The following TTN variants were observed in gnomAD, a reference collection of about 807,000 sequenced individuals.
The protein encoded by TTN is titin.
TTN carries 1,525 observed loss-of-function variants against 3,223.0 expected under a neutral mutation model. The ratio of observed to expected loss-of-function variants is 0.47; its 90% CI spans 0.45 to 0.49. The LOEUF (loss-of-function observed/expected upper bound fraction) is 0.49, where lower values mean the gene tolerates loss of function less well. Ranked by LOEUF, TTN falls within the 20% of genes least tolerant of loss-of-function variation. TTN has a pLI of 0.00. For synonymous variants in TTN, 14,094 were observed against 15,161.0 expected (o/e 0.93, Z 5.17); for missense variants, 40,786 against 43,424.0 (o/e 0.94, Z 5.40).
At chr2:178,688,365 G>T in intron 126 of TTN, 141 bp from the exon 127 acceptor site, 1 of 773,594 alleles carries the variant, frequency 1.3e-6, no homozygotes, top group East Asian at 2.6e-5. Flanking sequence ...ATAAGAAGGA[G>T]GAAGCTAATT....
chr2:178,563,627 T>G lies in TTN; in HGVS notation c.82505A>C (p.Glu27502Ala). The change falls in exon 326 of 363, where the codon GAG becomes GCG. Residue 27502 changes from glutamate to alanine, a missense_variant. Coordinates refer to ENST00000589042, the MANE Select transcript of TTN (RefSeq NM_001267550.2). This position sits in a 1 kb window ranked among gnomAD's most constrained non-coding sequence, Gnocchi z 4.5. Reference protein sequence around the residue: ...RPVDDGGTEIEGYILEKRDKE... With the variant: ...RPVDDGGTEIAGYILEKRDKE... Reference sequence around the variant, plus strand: ...ATCTCGTTTTTCAAGAATGTAGCCCTCAATTTCGGTACCTCCGTCGTCTAC... The same window carrying G: ...ATCTCGTTTTTCAAGAATGTAGCCCGCAATTTCGGTACCTCCGTCGTCTAC... 1 of 1,613,752 alleles carries G rather than the reference T, an allele frequency of 6.2e-7. No individual in the cohort carries two copies.
At chr2:178,651,165 A>T in intron 208 of TTN, 78 bp downstream of exon 208, 1 of 1,238,900 alleles carries the variant, frequency 8.1e-7, no homozygotes, top group Non-Finnish European at 1.1e-6. Context: ...GAGGACTCGC[A>T]AACAAAAGGT....
At position 178,539,548 on chromosome 2, in the gene TTN, A is replaced by T; in HGVS notation, c.98517T>A (p.Pro32839=). The change falls in exon 352 of 363, where the codon CCT becomes CCA. Residue 32839 remains proline (P), a synonymous_variant. Coordinates refer to ENST00000589042, the MANE Select transcript of TTN (RefSeq NM_001267550.2). The part of the protein sequence containing the change: ...LGYILERREV[P]KAAWYTIDSR... ...AATCAATGGTATACCAGGCGGCTTT[A>T]GGCACTTCTCGTCTCTCGAGGATGT... 1 of 1,613,788 alleles carries T rather than the reference A, an allele frequency of 6.2e-7. No homozygotes were observed. Among genetic ancestry groups the T allele is most frequent in the South Asian group, 1.1e-5 (1 of 91,082 alleles).
Position 178,764,259 on chromosome 2 carries a change from T to C in TTN, c.10032A>G (p.Pro3344=), listed in dbSNP as rs757321139. 6.2e-7 allele frequency: 1 copy of C among 1,613,868 alleles called. No homozygotes were observed. The highest frequency in any genetic ancestry group is 8.5e-7 in the Non-Finnish European group (1 of 1,179,972). ...VSPDQEMPVY[P]PAIITPLQDT... ...CCTGAAGCGGGGTGATGATGGCAGGTGGATAAACAGGCATTTCCTGATCAG... is the reference window on the plus strand; with the variant it reads ...CCTGAAGCGGGGTGATGATGGCAGGCGGATAAACAGGCATTTCCTGATCAG... The change falls in exon 43 of 363, where the codon CCA becomes CCG. Residue 3344 remains proline (P), a synonymous_variant. Coordinates refer to ENST00000589042, the MANE Select transcript of TTN (RefSeq NM_001267550.2).
At chr2:178,623,599 A>G (rs1559896250) in intron 242 of TTN, among the ~76,000 whole-genome samples, 1 of 151,910 alleles carries the variant, frequency 6.6e-6, no homozygotes, top group Non-Finnish European at 1.5e-5. Flanking sequence ...GTGAAGAAGG[A>G]GACCCAAGAA....
intron 102 of TTN, among the ~76,000 whole-genome samples, chr2:178,705,817 T>C (rs948429072): frequency 6.6e-6 from 1 of 152,148 alleles, no homozygotes; most frequent in African/African-American, 2.4e-5. Flanking sequence ...TTATGGAAAA[T>C]GTTTAAAACA....
Position 178,618,047 on chromosome 2 carries a change from A to T in TTN, c.47304T>A (p.Thr15768=). The part of the protein sequence containing the change: ...VPGPPLNVTI[T]DVNRFGVSLT... ...GTGAGACACCAAATCGATTCACATCAGTGATGGTTACATTCAAAGGAGGGC... is the reference window on the plus strand; with the variant it reads ...GTGAGACACCAAATCGATTCACATCTGTGATGGTTACATTCAAAGGAGGGC... Residue 15768 remains threonine, a synonymous_variant, in exon 253 of 363, where the codon ACT becomes ACA. Coordinates refer to ENST00000589042, the MANE Select transcript of TTN (RefSeq NM_001267550.2). 6.2e-7 allele frequency: 1 copy of T among 1,612,398 alleles called. No homozygotes were observed. The highest frequency in any genetic ancestry group is 8.5e-7 in the Non-Finnish European group (1 of 1,179,092).
At chr2:178,617,656 T>G (rs573934677) in intron 253 of TTN, 123 bp downstream of exon 253, 24 of 1,448,032 alleles carry the variant, frequency 1.7e-5, no homozygotes, top group South Asian at 1.1e-4. Context: ...TTCTAAAACT[T>G]TATCCAAATT....
At chr2:178,748,863 G>C in intron 47 of TTN, 1 of 1,612,232 alleles carries the variant, frequency 6.2e-7, no homozygotes, top group Non-Finnish European at 8.5e-7. Context: ...TTCTCTGCCT[G>C]ATACATATTT....
rs764130233 is a variant in TTN, at chr2:178,719,745, G to C, written c.23747C>G (p.Pro7916Arg). ...FALECVVTGT[P>R]ELSAKWFKDG... is the part of the protein sequence containing the mutation. ...TTTGAACCACTTGGCTGAGAGTTCT[G>C]GTGTTCCAGTCACTACACACTCTAA... The change falls in exon 82 of 363, where the codon CCA (proline) becomes CGA (arginine). Residue 7916 changes from proline to arginine, a missense_variant. Pro to Arg is a moderately radical substitution (Grantham distance 103). Transcript: ENST00000589042. 37 of 1,613,546 alleles carry C rather than the reference G, an allele frequency of 2.3e-5. No individual in the cohort carries two copies. Among genetic ancestry groups the C allele is most frequent in the Non-Finnish European group, 1.7e-5 (20 of 1,179,702 alleles).
At chr2:178,749,284 CA>C in intron 47 of TTN, 1 of 1,611,436 alleles carries the variant, frequency 6.2e-7, no homozygotes, top group Non-Finnish European at 8.5e-7. Context: ...CTGCTTGGTG[CA>C]GCTTTGATTT....
chr2:178,775,316 T>C (rs1187584879), intron 28 of TTN, 40 bp downstream of exon 28: 1 of 1,612,906 alleles, frequency 6.2e-7, no homozygotes, highest in South Asian at 1.1e-5. Context: ...TATTCTTGAA[T>C]ACAAAGACAG....
chr2:178,646,634 T>C (rs2062048244), intron 215 of TTN, 75 bp from the exon 216 acceptor site: 1 of 810,500 alleles, frequency 1.2e-6, no homozygotes, highest in African/African-American at 1.7e-5. Context: ...AATTTCACAT[T>C]GATGCAAAGA....
At chr2:178,804,902 A>G (rs866140451) in intron 1 of TTN, among the ~76,000 whole-genome samples, 1 of 152,216 alleles carries the variant, frequency 6.6e-6, no homozygotes, top group Non-Finnish European at 1.5e-5. Context: ...TTAGCCAAAC[A>G]GAACAAGGAA....
intron 47 of TTN, chr2:178,749,721 C>T: frequency 6.2e-7 from 1 of 1,612,916 alleles, no homozygotes; most frequent in Non-Finnish European, 8.5e-7. Flanking sequence ...TTATATTTTC[C>T]AGAATCTTGA....
chr2:178,539,845 C>T lies in TTN; in HGVS notation c.98220G>A (p.Lys32740=). The T allele has an allele frequency of 6.2e-7, 1 of 1,613,820 alleles. No homozygotes were observed. Among genetic ancestry groups the T allele is most frequent in the Admixed American group, 1.7e-5 (1 of 60,010 alleles). ...GKPFPICKWT[K]EGQDISKRAM... is the part of the protein sequence containing the mutation. ...CACGCTTACTAATATCCTGGCCTTCCTTGGTCCATTTACATATTGGGAATG... is the reference window on the plus strand; with the variant it reads ...CACGCTTACTAATATCCTGGCCTTCTTTGGTCCATTTACATATTGGGAATG... Residue 32740 remains lysine, a synonymous_variant, in exon 352 of 363, where the codon AAG becomes AAA. Coordinates refer to ENST00000589042, the MANE Select transcript of TTN (RefSeq NM_001267550.2).
At position 178,647,430 on chromosome 2, in the gene TTN, C is replaced by T. The variant is rs1424521442; in HGVS notation, c.40092G>A (p.Lys13364=). 39 of 1,549,522 alleles carry T rather than the reference C, an allele frequency of 2.5e-5. No homozygotes were observed. Among genetic ancestry groups the T allele is most frequent in the Non-Finnish European group, 3.2e-5 (37 of 1,146,420 alleles). Residue 13364 remains lysine, a synonymous_variant, in exon 214 of 363, where the codon AAG becomes AAA. Coordinates refer to ENST00000589042, the MANE Select transcript of TTN (RefSeq NM_001267550.2). The part of the protein sequence containing the change: ...PKVPEKIIPE[K]EVSVPIPAEP... The stretch of plus-strand genomic sequence containing the variant: ...CTGCAGGGATAGGCACAGACACTTC[C>T]TTTTCTGGGATGATTTTCTCAGGCA...
chr2:178,728,858 T>C lies in TTN; in HGVS notation c.19147+33A>G, dbSNP rs16866476. On this transcript the variant is annotated intron_variant, in intron 65 of 362. Coordinates refer to ENST00000589042, the MANE Select transcript of TTN (RefSeq NM_001267550.2). ...ATGTCTGCTAATGAAACTGTCGCTATAGACTATCTTTGAAAGAGAATAGCT... is the reference window on the plus strand; with the variant it reads ...ATGTCTGCTAATGAAACTGTCGCTACAGACTATCTTTGAAAGAGAATAGCT... 1,793 of 1,575,430 alleles carry C rather than the reference T, an allele frequency of 1.1e-3. 16 individuals carry two copies. The African/African-American group carries it at 0.022, about 19-fold the overall frequency.
In TTN at chr2:178,722,052, A is replaced by G. The variant is rs16866469; in HGVS notation, c.22611T>C (p.His7537=). Residue 7537 remains histidine (H), a synonymous_variant, in exon 78 of 363, where the codon CAT becomes CAC. Transcript: ENST00000589042. Reference sequence around the variant, plus strand: ...TTCGCATCGGTTGAGCACCAGTAACATGACACTCAAAATCAGCACTTTCTC... The same window carrying G: ...TTCGCATCGGTTGAGCACCAGTAACGTGACACTCAAAATCAGCACTTTCTC... ...IAGESADFEC[H]VTGAQPMRIT... is the part of the protein sequence containing the mutation. The G allele has an allele frequency of 3.1e-3, 4,975 of 1,612,980 alleles. 134 individuals carry two copies. The African/African-American group carries it at 0.059, about 19-fold the overall frequency.
Sources: allele counts gnomAD v4.1 joint callset (sites outside exome capture counted in the v4.1 genomes callset), GRCh38; gene constraint gnomAD v4.1.1; non-coding constraint Gnocchi (gnomAD v3.1); transcripts MANE v1.5; gene names NCBI Gene and HGNC (gene_info 2026-07-23, HGNC 2026-07-21).